The following PBX1 variants were observed in gnomAD, a reference collection of about 807,000 sequenced individuals.
The protein encoded by PBX1 is PBX homeobox 1.
Under a neutral mutation model 53.4 loss-of-function variants are expected in PBX1, and 6 were observed. That is an observed-to-expected ratio of 0.11 (90% CI 0.06 to 0.22). The LOEUF (loss-of-function observed/expected upper bound fraction) is 0.22, where lower values mean the gene tolerates loss of function less well. PBX1 is among the 10% of genes least tolerant of loss of function. The probability of loss-of-function intolerance (pLI) is 1.00; values close to 1 mark genes in which losing one functional copy is unlikely to be tolerated. For missense variants in PBX1, 251 were observed against 551.4 expected (o/e 0.46, Z 5.46); for synonymous variants, 204 against 212.3 (o/e 0.96, Z 0.34).
intron 2 of PBX1, among the ~76,000 whole-genome samples, chr1:164,690,482 T>C (rs1297755229): frequency 6.6e-6 from 1 of 152,100 alleles, no homozygotes; most frequent in African/African-American, 2.4e-5. Context: ...TTAAAAAGAA[T>C]ACATTGTTCG....
At chr1:164,723,321 T>TTAGAGGCTTATG (rs1430450709) in intron 2 of PBX1, among the ~76,000 whole-genome samples, 1 of 152,112 alleles carries the variant, frequency 6.6e-6, no homozygotes, top group East Asian at 1.9e-4. Flanking sequence ...GGCTAACTCT[T>TTAGAGGCTTATG]TAGAGGCTTA....
At chr1:164,710,120 A>G (rs1352913403) in intron 2 of PBX1, among the ~76,000 whole-genome samples, 1 of 152,218 alleles carries the variant, frequency 6.6e-6, no homozygotes, top group East Asian at 1.9e-4. Flanking sequence ...CACATACACC[A>G]GTGTTCAGTG....
intron 2 of PBX1, among the ~76,000 whole-genome samples, chr1:164,615,997 A>G (rs1323362725): frequency 6.6e-6 from 1 of 152,162 alleles, no homozygotes; most frequent in Non-Finnish European, 1.5e-5. Flanking sequence ...GGTGATCACC[A>G]TGGAAATGCC....
At chr1:164,657,679 T>A (rs1018540923) in intron 2 of PBX1, among the ~76,000 whole-genome samples, 10 of 152,182 alleles carry the variant, frequency 6.6e-5, no homozygotes, top group African/African-American at 2.2e-4. Context: ...GGCATATTGT[T>A]TTTTGGGGAA....
At chr1:164,634,043 G>A (rs1361234377) in intron 2 of PBX1, among the ~76,000 whole-genome samples, 1 of 152,208 alleles carries the variant, frequency 6.6e-6, no homozygotes, top group Non-Finnish European at 1.5e-5. Context: ...GCACAGCCGT[G>A]GATGAACAGT....
At chr1:164,885,680 C>A (rs1322370621) in intron 2 of PBX1, among the ~76,000 whole-genome samples, 1 of 152,136 alleles carries the variant, frequency 6.6e-6, no homozygotes, top group Non-Finnish European at 1.5e-5. Context: ...GATGATAATA[C>A]CTACCTCAGG....
chr1:164,774,079 A>T (rs1480129814), intron 2 of PBX1, among the ~76,000 whole-genome samples: 1 of 152,226 alleles, frequency 6.6e-6, no homozygotes, highest in Non-Finnish European at 1.5e-5. Flanking sequence ...TTTAAGGGAA[A>T]GCTAATGAGT....
At chr1:164,686,247 C>A (rs1557941472) in intron 2 of PBX1, among the ~76,000 whole-genome samples, 1 of 152,168 alleles carries the variant, frequency 6.6e-6, no homozygotes, top group African/African-American at 2.4e-5. Context: ...AGTGTTCGGT[C>A]ACCTGGAACC....
At chr1:164,843,312 T>C (rs1165564497) in intron 8 of PBX1, among the ~76,000 whole-genome samples, 1 of 152,178 alleles carries the variant, frequency 6.6e-6, no homozygotes, top group Non-Finnish European at 1.5e-5. Flanking sequence ...TATTTGTGTT[T>C]CTCTAACTTA....
chr1:164,653,016 G>A (rs1053627680), intron 2 of PBX1, among the ~76,000 whole-genome samples: 3 of 151,858 alleles, frequency 2.0e-5, no homozygotes, highest in East Asian at 3.9e-4. Context: ...ACAGGTGTGC[G>A]CCACCACACC....
At chr1:164,690,029 AGT>A (rs1662369218) in intron 2 of PBX1, among the ~76,000 whole-genome samples, 1 of 152,208 alleles carries the variant, frequency 6.6e-6, no homozygotes, top group African/African-American at 2.4e-5. Context: ...ATATGTATTC[AGT>A]TGCATGCTGC....
intron 2 of PBX1, among the ~76,000 whole-genome samples, chr1:164,692,785 GA>G: frequency 6.6e-6 from 1 of 152,116 alleles, no homozygotes; most frequent in African/African-American, 2.4e-5. Flanking sequence ...TAAAATCAAA[GA>G]AATTTTCTGG....
At chr1:164,678,136 G>C (rs750707711) in intron 2 of PBX1, among the ~76,000 whole-genome samples, 3 of 152,114 alleles carry the variant, frequency 2.0e-5, no homozygotes, top group Non-Finnish European at 2.9e-5. Flanking sequence ...TAGTGAAAGG[G>C]GGTGATCCAA....
chr1:164,661,306 A>G (rs1174425914), intron 2 of PBX1, among the ~76,000 whole-genome samples: 1 of 152,202 alleles, frequency 6.6e-6, no homozygotes, highest in Non-Finnish European at 1.5e-5. Flanking sequence ...TCTGAAGGAC[A>G]TGCCATCTGG....
chr1:164,603,962 T>TTTTTTA (rs1557885908), intron 2 of PBX1, among the ~76,000 whole-genome samples: 1 of 127,038 alleles, frequency 7.9e-6, no homozygotes, highest in East Asian at 2.3e-4. Context: ...TTTTTTTTTT[T>TTTTTTA]AGAGATGAGT....
At chr1:164,690,847 CCT>C (rs1202603962) in intron 2 of PBX1, among the ~76,000 whole-genome samples, 3 of 151,792 alleles carry the variant, frequency 2.0e-5, no homozygotes, top group Admixed American at 2.0e-4. Flanking sequence ...GAATCATCCC[CCT>C]GTTTTACGGA....
chr1:164,645,921 A>C (rs377330330), intron 2 of PBX1, among the ~76,000 whole-genome samples: 2 of 152,168 alleles, frequency 1.3e-5, no homozygotes, highest in Admixed American at 6.5e-5. Context: ...TGAGAAGTGG[A>C]AGACTTGGAT....
At chr1:164,839,193 C>G (rs1325101141) in intron 8 of PBX1, among the ~76,000 whole-genome samples, 1 of 152,182 alleles carries the variant, frequency 6.6e-6, no homozygotes, top group Admixed American at 6.5e-5. Context: ...TTTGTACTGT[C>G]TCCTAGCACT....
chr1:164,714,156 A>G (rs1013746258), intron 2 of PBX1, among the ~76,000 whole-genome samples: 2 of 152,252 alleles, frequency 1.3e-5, no homozygotes, highest in Non-Finnish European at 2.9e-5. Flanking sequence ...TAAGCCAAAT[A>G]TAAATGATTT....
Sources: allele counts gnomAD v4.1 joint callset (sites outside exome capture counted in the v4.1 genomes callset), GRCh38; gene constraint gnomAD v4.1.1; transcripts MANE v1.5; gene names NCBI Gene and HGNC (gene_info 2026-07-23, HGNC 2026-07-21).